The following USP47 variants were observed in gnomAD, a reference collection of about 807,000 sequenced individuals.
USP47 encodes the protein ubiquitin carboxyl-terminal hydrolase 47.
In USP47, 35 loss-of-function variants were observed where a neutral mutation model predicts 165.1. The ratio of observed to expected loss-of-function variants is 0.21; its 90% CI spans 0.16 to 0.28. The LOEUF is 0.28. USP47 is among the 10% of genes least tolerant of loss of function. The probability of loss-of-function intolerance (pLI) is 1.00; values close to 1 mark genes in which losing one functional copy is unlikely to be tolerated. For missense variants in USP47, 1,277 were observed against 1,607.4 expected, an observed-to-expected ratio of 0.79 and a Z score of 3.52; for synonymous variants, 531 against 544.5, an observed-to-expected ratio of 0.98 and a Z score of 0.35.
intron 1 of USP47, chr11:11,878,673 T>G (rs1167211020): frequency 6.6e-6 from 1 of 152,058 alleles, no homozygotes; most frequent in Non-Finnish European, 1.5e-5. Context: ...AATTAAATAT[T>G]TGGATGTGTC....
At chr11:11,881,635 A>G (rs774881549) in intron 2 of USP47, among the ~76,000 whole-genome samples, 25 of 151,800 alleles carry the variant, frequency 1.6e-4, no homozygotes, top group Admixed American at 6.6e-5. Context: ...CTCTTTTTTG[A>G]CATTTTATGG....
At chr11:11,873,427 A>G (rs796221936) in intron 1 of USP47, among the ~76,000 whole-genome samples, 5 of 152,260 alleles carry the variant, frequency 3.3e-5, no homozygotes, top group African/African-American at 1.2e-4. Flanking sequence ...CTGTCGTGAA[A>G]AATTCAAATT....
At chr11:11,862,103 A>G (rs1049100699) in intron 1 of USP47, among the ~76,000 whole-genome samples, 5 of 152,194 alleles carry the variant, frequency 3.3e-5, no homozygotes, top group Admixed American at 1.3e-4. Context: ...ATTATCATCA[A>G]ACTTCACTTA....
At chr11:11,886,486 G>C (rs1021673925) in intron 3 of USP47, among the ~76,000 whole-genome samples, 1 of 152,118 alleles carries the variant, frequency 6.6e-6, no homozygotes, top group African/African-American at 2.4e-5. Flanking sequence ...GTAGAGAAAA[G>C]AATCTTAGAG....
intron 1 of USP47, 149 bp downstream of exon 1, chr11:11,842,373 G>A: frequency 2.2e-6 from 2 of 915,584 alleles, no homozygotes; most frequent in African/African-American, 1.7e-5. Flanking sequence ...GGTGGACGGT[G>A]GGTGCGGCGA....
chr11:11,849,214 G>A (rs1848595653), intron 1 of USP47, among the ~76,000 whole-genome samples: 1 of 152,192 alleles, frequency 6.6e-6, no homozygotes, highest in African/African-American at 2.4e-5. Flanking sequence ...GTATACATCA[G>A]TATTTCAGTT....
chr11:11,855,593 A>C (rs1487280813), intron 1 of USP47, among the ~76,000 whole-genome samples: 1 of 152,218 alleles, frequency 6.6e-6, no homozygotes, highest in African/African-American at 2.4e-5. Flanking sequence ...TGTGAATCCA[A>C]TACCTGTGGT....
At chr11:11,947,258 C>T (rs548505330) in intron 20 of USP47, among the ~76,000 whole-genome samples, 20 of 152,112 alleles carry the variant, frequency 1.3e-4, no homozygotes, top group Non-Finnish European at 2.1e-4. Context: ...AATCCTATTA[C>T]AATACCAAGA....
intron 1 of USP47, among the ~76,000 whole-genome samples, chr11:11,854,111 G>A (rs1848888146): frequency 7.1e-6 from 1 of 141,320 alleles, no homozygotes; most frequent in African/African-American, 2.5e-5. Context: ...CTCCAGCTAG[G>A]GGGACAGGGC....
chr11:11,911,621 C>G (rs73413220), intron 8 of USP47, among the ~76,000 whole-genome samples: 5,356 of 152,020 alleles, frequency 0.035, 303 homozygotes, highest in African/African-American at 0.12. Context: ...GAAAAACTGT[C>G]ATAACTAAAA....
Position 11,920,261 on chromosome 11 carries a change from A to G in USP47, c.1065+10A>G. The G allele has an allele frequency of 6.2e-7, 1 of 1,609,142 alleles. No individual in the cohort carries two copies. Among genetic ancestry groups the G allele is most frequent in the African/African-American group, 1.3e-5 (1 of 74,754 alleles). The stretch of plus-strand genomic sequence containing the variant: ...GTGTGATGCACGGAAGGTAAATGCC[A>G]TGTAGAGATTAATACTTAGGAATCT... On this transcript the variant is annotated intron_variant, in intron 9 of 27. Transcript: ENST00000527733.
At chr11:11,911,347 C>T (rs1353576467) in intron 8 of USP47, among the ~76,000 whole-genome samples, 1 of 152,012 alleles carries the variant, frequency 6.6e-6, no homozygotes, top group Non-Finnish European at 1.5e-5. Context: ...AAGGCAGGCA[C>T]AAAGAAATAA....
intron 7 of USP47, among the ~76,000 whole-genome samples, chr11:11,904,894 CTT>C (rs2134464001): frequency 6.6e-6 from 1 of 152,098 alleles, no homozygotes; most frequent in South Asian, 2.1e-4. Flanking sequence ...TGATTTGCAT[CTT>C]GAGCTAGAGG....
intron 11 of USP47, among the ~76,000 whole-genome samples, chr11:11,928,224 G>A (rs1275944823): frequency 2.0e-5 from 3 of 151,886 alleles, no homozygotes; most frequent in African/African-American, 4.8e-5. Context: ...TACATTCAAA[G>A]CATTTTAATT....
At chr11:11,881,454 G>A (rs1215487276) in intron 2 of USP47, among the ~76,000 whole-genome samples, 1 of 152,008 alleles carries the variant, frequency 6.6e-6, no homozygotes, top group Non-Finnish European at 1.5e-5. Flanking sequence ...CTGTTTCCTG[G>A]CCTCTATGTC....
chr11:11,942,972 A>G lies in USP47; in HGVS notation c.2951A>G (p.Glu984Gly). The change falls in exon 20 of 28, where the codon GAA becomes GGA. Residue 984 changes from glutamate (E) to glycine (G), a missense_variant. Transcript: ENST00000527733. ...RRTKANEGKK[E>G]TWDTAEEDSG... Reference sequence around the variant, plus strand: ...ACGAAAGCAAATGAAGGGAAAAAAGAAACATGGGATACAGCAGAAGAAGAC... The same window carrying G: ...ACGAAAGCAAATGAAGGGAAAAAAGGAACATGGGATACAGCAGAAGAAGAC... The G allele has an allele frequency of 5.0e-6, 8 of 1,613,634 alleles. No homozygotes were observed. Among genetic ancestry groups the G allele is most frequent in the Non-Finnish European group, 5.9e-6 (7 of 1,179,710 alleles).
At chr11:11,848,398 C>T (rs888688825) in intron 1 of USP47, among the ~76,000 whole-genome samples, 7 of 152,178 alleles carry the variant, frequency 4.6e-5, no homozygotes, top group Admixed American at 1.3e-4. Flanking sequence ...TGTGTTCAAA[C>T]ATACAGAAGG....
At chr11:11,892,406 G>C (rs1361997115) in intron 4 of USP47, among the ~76,000 whole-genome samples, 18 of 106,162 alleles carry the variant, frequency 1.7e-4, no homozygotes, top group African/African-American at 6.7e-4. Context: ...TTTTGAGACA[G>C]AGTCTTGTTC....
At chr11:11,915,247 T>G (rs1853328289) in intron 8 of USP47, among the ~76,000 whole-genome samples, 1 of 152,320 alleles carries the variant, frequency 6.6e-6, no homozygotes, top group South Asian at 2.1e-4. Flanking sequence ...TATTACATAC[T>G]TTATGATTCC....
Sources: allele counts gnomAD v4.1 joint callset (sites outside exome capture counted in the v4.1 genomes callset), GRCh38; gene constraint gnomAD v4.1.1; transcripts MANE v1.5; gene names NCBI Gene and HGNC (gene_info 2026-07-23, HGNC 2026-07-21).